Variants in THNSL1 observed in about 807,000 individuals in gnomAD.
THNSL1 encodes the protein threonine synthase like 1, also known as threonine synthase-like 1.
A neutral mutation model predicts 50.4 loss-of-function variants in THNSL1; 48 were observed. The ratio of observed to expected loss-of-function variants is 0.95; its 90% CI spans 0.76 to 1.21. The LOEUF (loss-of-function observed/expected upper bound fraction) is 1.21. THNSL1 is among the 50% of genes most tolerant of loss of function. The pLI, the probability that THNSL1 is intolerant of heterozygous loss-of-function variation, is 0.00. For missense variants in THNSL1, 896 were observed against 871.7 expected, an observed-to-expected ratio of 1.03 and a Z score of -0.35; for synonymous variants, 309 against 306.1, an observed-to-expected ratio of 1.01 and a Z score of -0.10.
chr10:25,010,598 C>T, the THNSL1 span, among the ~76,000 whole-genome samples: 3 of 151,238 alleles, frequency 2.0e-5, no homozygotes, highest in African/African-American at 7.3e-5. Context: ...TCCCCCCTAC[C>T]CCCACCCCAC....
At chr10:24,978,745 G>A in the THNSL1 span, among the ~76,000 whole-genome samples, 2 of 152,204 alleles carry the variant, frequency 1.3e-5, no homozygotes, top group East Asian at 3.9e-4. Flanking sequence ...ATCCGCCAGC[G>A]CTTTCCTGCA....
chr10:24,993,058 G>C, the THNSL1 span, among the ~76,000 whole-genome samples: 2 of 152,182 alleles, frequency 1.3e-5, no homozygotes, highest in African/African-American at 4.8e-5. Context: ...CTTTGGGACA[G>C]CTAGGCAGGA....
At chr10:25,008,172 C>CT in the THNSL1 span, among the ~76,000 whole-genome samples, 6 of 152,012 alleles carry the variant, frequency 3.9e-5, no homozygotes, top group East Asian at 9.6e-4. Context: ...AAAATAGCTT[C>CT]TAACACTACT....
chr10:25,024,948 T>A lies in THNSL1; in HGVS notation c.1725T>A (p.His575Gln), dbSNP rs771455021. 26 of 1,614,064 alleles carry A rather than the reference T, an allele frequency of 1.6e-5. 1 individual carries two copies. In the Admixed American group the frequency reaches 4.0e-4, roughly 25 times the overall value. ...TCAAATCTTCAAACCTAGAACGACA[T>A]TTACACTTGATGGCTAATAAAGATG... ...DILKSSNLER[H>Q]LHLMANKDGQ... Residue 575 changes from histidine (H) to glutamine (Q), a missense_variant, in exon 3 of 3, where the codon CAT becomes CAA. His to Gln is a conservative substitution (Grantham distance 24). Transcript: ENST00000376356.
chr10:25,021,611 A>G (rs1588672983), intron 1 of THNSL1, 131 bp from the exon 2 acceptor site: 1 of 152,326 alleles, frequency 6.6e-6, no homozygotes, highest in South Asian at 2.1e-4. Flanking sequence ...TTGGGGAAAC[A>G]TATGAAAAGG....
At chr10:24,952,450 C>T in the THNSL1 span, 1 of 1,475,296 alleles carries the variant, frequency 6.8e-7, no homozygotes, top group Non-Finnish European at 9.3e-7. The surrounding 1 kb of genome is among the most constrained non-coding windows in gnomAD (Gnocchi z 5.1). Flanking sequence ...CGACGCACGG[C>T]AAGCATTTAA....
chr10:24,990,295 T>C, the THNSL1 span, among the ~76,000 whole-genome samples: 1 of 152,246 alleles, frequency 6.6e-6, no homozygotes, highest in Non-Finnish European at 1.5e-5. Context: ...AACTTTTTGC[T>C]CTCTCCAAAG....
the THNSL1 span, among the ~76,000 whole-genome samples, chr10:24,993,969 C>T: frequency 4.5e-4 from 68 of 152,232 alleles, no homozygotes; most frequent in Admixed American, 1.0e-3. Flanking sequence ...TTTTCCCTAT[C>T]CTGTGGGACA....
At chr10:24,972,175 G>A in the THNSL1 span, among the ~76,000 whole-genome samples, 1 of 149,794 alleles carries the variant, frequency 6.7e-6, no homozygotes, top group East Asian at 2.0e-4. Flanking sequence ...CTGGGTGACA[G>A]AGCAAGACTC....
At chr10:25,007,580 G>A in the THNSL1 span, among the ~76,000 whole-genome samples, 22 of 152,118 alleles carry the variant, frequency 1.4e-4, no homozygotes, top group African/African-American at 5.1e-4. Flanking sequence ...GACTACAGGC[G>A]CCCGCCACCA....
At chr10:24,975,646 GCT>G in the THNSL1 span, among the ~76,000 whole-genome samples, 5 of 152,122 alleles carry the variant, frequency 3.3e-5, no homozygotes, top group South Asian at 1.0e-3. Flanking sequence ...TCCTACACAC[GCT>G]CTCTCACCTG....
In THNSL1 at chr10:25,026,045, AT is replaced by A; in HGVS notation, c.*597del. 6.5e-6 allele frequency: 1 copy of A among 153,456 alleles called. No homozygotes were observed. The highest frequency in any genetic ancestry group is 1.5e-5 in the Non-Finnish European group (1 of 68,162). The allele number at this position is 153,456 out of a possible 1,614,324, so 9.5% of individuals were successfully genotyped here. A position where few individuals can be genotyped will look rare whatever the true frequency, so the allele number is the denominator to read the frequency against. On this transcript the variant is annotated 3_prime_UTR_variant, in exon 3 of 3. Coordinates refer to ENST00000376356, the MANE Select transcript of THNSL1 (RefSeq NM_024838.5). ...AGGCATGCAACACCACACATGGCTA[AT>A]TTTTTTATTTTTAATAGAGATGAGG... is the stretch of plus-strand genomic sequence containing the variant.
the THNSL1 span, among the ~76,000 whole-genome samples, chr10:24,966,402 C>T: frequency 1.3e-5 from 2 of 152,242 alleles, no homozygotes; most frequent in African/African-American, 4.8e-5. Context: ...ACAACACCCT[C>T]TTGCTTTCTT....
rs1850795382 is a variant in THNSL1 at position 25,024,332 on chromosome 10, G to A, written c.1109G>A (p.Cys370Tyr). The A allele has an allele frequency of 1.2e-6, 2 of 1,614,126 alleles. No individual in the cohort carries two copies. The highest frequency in any genetic ancestry group is 3.3e-4 in the Middle Eastern group (2 of 6,062). ...TTTGCACACTGTATCCCACCAAGTT[G>A]CAATTATATGATACTTGTAGCTACT... ...HIFAHCIPPSCNYMILVATSG... is the reference protein window; with the variant it reads ...HIFAHCIPPSYNYMILVATSG... Residue 370 changes from cysteine (C) to tyrosine (Y), a missense_variant, in exon 3 of 3, where the codon TGC becomes TAC. Physicochemically the swap from Cys to Tyr is radical, Grantham distance 194. Transcript: ENST00000376356.
the THNSL1 span, chr10:24,995,950 A>G: frequency 1.7e-6 from 2 of 1,156,458 alleles, no homozygotes; most frequent in Non-Finnish European, 2.4e-6. Context: ...CAGATATTTC[A>G]CCACTTGTAT....
chr10:24,998,693 T>G, the THNSL1 span, among the ~76,000 whole-genome samples: 1 of 152,148 alleles, frequency 6.6e-6, no homozygotes, highest in East Asian at 1.9e-4. Context: ...ACTTTTCATC[T>G]ACTCTCCCTT....
At chr10:24,963,642 T>C in the THNSL1 span, among the ~76,000 whole-genome samples, 2 of 152,194 alleles carry the variant, frequency 1.3e-5, no homozygotes, top group African/African-American at 4.8e-5. Context: ...CATATTTTCT[T>C]TTTCTTCTTG....
the THNSL1 span, among the ~76,000 whole-genome samples, chr10:24,965,319 T>TC: frequency 6.6e-6 from 1 of 152,186 alleles, no homozygotes; most frequent in Non-Finnish European, 1.5e-5. Flanking sequence ...ACTTTATTCT[T>TC]CCGCGTTTCC....
At chr10:25,015,920 G>C, upstream of THNSL1, 1 of 1,608,154 alleles carries the variant, frequency 6.2e-7, no homozygotes, top group Admixed American at 1.7e-5. Flanking sequence ...GCACTCAGAA[G>C]AGCACGTTGG....
Sources: allele counts gnomAD v4.1 joint callset (sites outside exome capture counted in the v4.1 genomes callset), GRCh38; gene constraint gnomAD v4.1.1; non-coding constraint Gnocchi (gnomAD v3.1); transcripts MANE v1.5; gene names NCBI Gene and HGNC (gene_info 2026-07-23, HGNC 2026-07-21).